The following EP300 variants were observed in gnomAD, a reference collection of about 807,000 sequenced individuals.
EP300 encodes histone acetyltransferase p300.
Under a neutral mutation model 264.0 loss-of-function variants are expected in EP300, and 31 were observed. That is an observed-to-expected ratio of 0.12 (90% confidence interval 0.09 to 0.16). EP300 has a LOEUF of 0.16. Among genes scored for constraint, EP300 ranks in the 10% least tolerant of loss-of-function variants. EP300 has a pLI of 1.00. For missense variants in EP300, 2,766 were observed against 3,052.9 expected (o/e 0.91, Z 2.21); for synonymous variants, 1,340 against 1,045.4 (o/e 1.28, Z -5.44).
intron 1 of EP300, among the ~76,000 whole-genome samples, chr22:41,110,388 G>T (rs1208747806): frequency 1.6e-5 from 2 of 127,308 alleles, no homozygotes; most frequent in East Asian, 4.9e-4. Context: ...CACCTCTCGG[G>T]TTCAACTGAT....
chr22:41,163,909 TAAAA>T, intron 21 of EP300, 140 bp from the exon 22 acceptor site: 1 of 801,454 alleles, frequency 1.2e-6, no homozygotes, highest in Middle Eastern at 2.2e-4. Context: ...ACCCTATCTC[TAAAA>T]AAATAGAAAC....
In EP300 at chr22:41,177,889, T is replaced by G; in HGVS notation, c.6178T>G (p.Ser2060Ala). Residue 2060 changes from serine (S) to alanine (A), a missense_variant, in exon 31 of 31, where the codon TCT becomes GCT. Ser to Ala is a moderately conservative substitution (Grantham distance 99). Transcript: ENST00000263253. ...ALQNLLRTLR[S>A]PSSPLQQQQV... is the part of the protein sequence containing the mutation. ...ACAAAACCTTTTGCGGACTCTCAGGTCTCCCAGCTCTCCCCTGCAGCAGCA... is the reference window on the plus strand; with the variant it reads ...ACAAAACCTTTTGCGGACTCTCAGGGCTCCCAGCTCTCCCCTGCAGCAGCA... 6.2e-7 allele frequency: 1 copy of G among 1,614,080 alleles called. No homozygotes were observed. Among genetic ancestry groups the G allele is most frequent in the Non-Finnish European group, 8.5e-7 (1 of 1,180,008 alleles).
intron 10 of EP300, among the ~76,000 whole-genome samples, chr22:41,142,908 C>T (rs2058991291): frequency 6.6e-6 from 1 of 151,656 alleles, no homozygotes; most frequent in African/African-American, 2.4e-5. Context: ...AGTGGACATA[C>T]CTGAGATACT....
In EP300 at chr22:41,117,312, G is replaced by A. The variant is rs1350749198; in HGVS notation, c.220G>A (p.Ala74Thr). ...GACAAGTCTTGGCATGGTACAAGATGCAGCTTCTAAACATAAACAGCTGTC... is the reference window on the plus strand; with the variant it reads ...GACAAGTCTTGGCATGGTACAAGATACAGCTTCTAAACATAAACAGCTGTC... ...LQTSLGMVQD[A>T]ASKHKQLSEL... is the part of the protein sequence containing the mutation. The change falls in exon 2 of 31, where the codon GCA (alanine) becomes ACA (threonine). Residue 74 changes from alanine to threonine, a missense_variant. Ala to Thr is a moderately conservative substitution (Grantham distance 58, BLOSUM62 0). Transcript: ENST00000263253. The A allele has an allele frequency of 6.2e-7, 1 of 1,614,206 alleles. No homozygotes were observed. Among genetic ancestry groups the A allele is most frequent in the South Asian group, 1.1e-5 (1 of 91,084 alleles).
intron 17 of EP300, 125 bp downstream of exon 17, chr22:41,155,238 TTC>T: frequency 6.8e-6 from 6 of 879,060 alleles, no homozygotes; most frequent in East Asian, 2.4e-5. Context: ...TTTTTTTTTT[TTC>T]CCCCTGAGAC....
chr22:41,101,662 C>T (rs1434087421), intron 1 of EP300, among the ~76,000 whole-genome samples: 1 of 152,066 alleles, frequency 6.6e-6, no homozygotes, highest in Non-Finnish European at 1.5e-5. Context: ...CTACCCTTCT[C>T]GGCCTCCCAA....
intron 1 of EP300, among the ~76,000 whole-genome samples, chr22:41,101,964 A>T (rs372105394): frequency 6.6e-5 from 10 of 152,164 alleles, no homozygotes; most frequent in East Asian, 3.9e-4. Flanking sequence ...CAAAGAATGC[A>T]CAAGAATACT....
chr22:41,168,650 A>C, intron 24 of EP300, 51 bp downstream of exon 24: 2 of 1,614,188 alleles, frequency 1.2e-6, no homozygotes, highest in Non-Finnish European at 1.7e-6. Flanking sequence ...AATTGCTCAT[A>C]CATGGTTACT....
chr22:41,116,111 C>G (rs1286580138), intron 1 of EP300, among the ~76,000 whole-genome samples: 1 of 152,054 alleles, frequency 6.6e-6, no homozygotes, highest in African/African-American at 2.4e-5. Flanking sequence ...GGATACAAAC[C>G]TTTAGCTAGC....
chr22:41,094,921 T>G (rs1003938879), intron 1 of EP300, among the ~76,000 whole-genome samples: 1 of 152,194 alleles, frequency 6.6e-6, no homozygotes, highest in Non-Finnish European at 1.5e-5. Flanking sequence ...TCGGTCTGTT[T>G]TGCTACTTGA....
In EP300 at chr22:41,169,612, T is replaced by G. The variant is rs1488422086; in HGVS notation, c.4282T>G (p.Leu1428Val). The G allele has an allele frequency of 1.3e-6, 2 of 1,571,984 alleles. No individual in the cohort carries two copies. Among genetic ancestry groups the G allele is most frequent in the African/African-American group, 2.7e-5 (2 of 74,020 alleles). Residue 1428 changes from leucine (L) to valine (V), a missense_variant, in exon 26 of 31, where the codon TTA (leucine) becomes GTA (valine). Physicochemically the swap from Leu to Val is conservative, Grantham distance 32. Coordinates refer to ENST00000263253, the MANE Select transcript of EP300 (RefSeq NM_001429.4). Reference protein sequence around the residue: ...LIGYLEYVKKLGYTTGHIWAC... With the variant: ...LIGYLEYVKKVGYTTGHIWAC... ...TGGATATTTAGAATATGTCAAGAAA[T>G]TAGGGTAAGCATATTTTGATAATGG... is the stretch of plus-strand genomic sequence containing the variant.
chr22:41,150,037 C>T lies in EP300; in HGVS notation c.2656C>T (p.Pro886Ser), dbSNP rs148308496. 1.3e-4 allele frequency: 211 copies of T among 1,614,000 alleles called. No individual in the cohort carries two copies. In the African/African-American group the frequency reaches 2.5e-3, roughly 19 times the overall value. Residue 886 changes from proline to serine, a missense_variant, in exon 14 of 31, where the codon CCT (proline) becomes TCT (serine). By Grantham distance (74) the Pro-to-Ser change is moderately conservative (BLOSUM62 -1). Coordinates refer to ENST00000263253, the MANE Select transcript of EP300 (RefSeq NM_001429.4). Reference protein sequence around the residue: ...QALHPPPRQTPTPPTTQLPQQ... With the variant: ...QALHPPPRQTSTPPTTQLPQQ... ...TCTACATCCCCCTCCAAGGCAGACA[C>T]CTACACCACCAACAACACAACTTCC...
At chr22:41,110,867 C>G (rs1424274988) in intron 1 of EP300, among the ~76,000 whole-genome samples, 1 of 151,536 alleles carries the variant, frequency 6.6e-6, no homozygotes, top group Non-Finnish European at 1.5e-5. Context: ...CTGAGGATTT[C>G]TAAGTGTTTG....
rs2145522773 is a variant in EP300, at chr22:41,178,611, T to C, written c.6900T>C (p.Pro2300=). Residue 2300 remains proline, a synonymous_variant, in exon 31 of 31, where the codon CCT becomes CCC. Transcript: ENST00000263253. ...CACACCTACAAGGCCAGCAGATCCC[T>C]AATTCTCTCTCCAATCAAGTGCGCT... is the stretch of plus-strand genomic sequence containing the variant. ...QSPHLQGQQI[P]NSLSNQVRSP... 6.2e-7 allele frequency: 1 copy of C among 1,614,000 alleles called. No individual in the cohort carries two copies. Among genetic ancestry groups the C allele is most frequent in the Non-Finnish European group, 8.5e-7 (1 of 1,179,994 alleles).
At position 41,178,975 on chromosome 22, in the gene EP300, T is replaced by G. The variant is rs1264263152; in HGVS notation, c.*19T>G. On this transcript the variant is annotated 3_prime_UTR_variant, in exon 31 of 31. Transcript: ENST00000263253. ...ACACTAGAGACACCTTGTAGTATTT[T>G]GGGAGCAAAAAAATTATTTTCTCTT... The G allele has an allele frequency of 1.3e-6, 2 of 1,592,646 alleles. No individual in the cohort carries two copies. The highest frequency in any genetic ancestry group is 2.2e-5 in the East Asian group (1 of 44,876).
chr22:41,170,992 G>C (rs554060431), intron 27 of EP300, among the ~76,000 whole-genome samples: 1 of 136,482 alleles, frequency 7.3e-6, no homozygotes, highest in South Asian at 2.3e-4. Context: ...CAAAAGTCTT[G>C]CTTGTTCTAC....
chr22:41,141,618 A>G (rs994352644), intron 10 of EP300, among the ~76,000 whole-genome samples: 2 of 151,734 alleles, frequency 1.3e-5, no homozygotes, highest in Non-Finnish European at 2.9e-5. Context: ...ATCATATTAC[A>G]CTGTCACACT....
intron 15 of EP300, 51 bp downstream of exon 15, chr22:41,152,063 A>G (rs892490729): frequency 8.1e-6 from 13 of 1,608,794 alleles, no homozygotes; most frequent in Non-Finnish European, 1.0e-5. Flanking sequence ...CAGTATAGGA[A>G]CCCAAGTTTT....
At chr22:41,094,852 C>T (rs893904330) in intron 1 of EP300, among the ~76,000 whole-genome samples, 10 of 152,074 alleles carry the variant, frequency 6.6e-5, no homozygotes, top group Admixed American at 5.2e-4. Context: ...TGAGCAGTTT[C>T]GTCTTGGAGC....
Sources: allele counts gnomAD v4.1 joint callset (sites outside exome capture counted in the v4.1 genomes callset), GRCh38; gene constraint gnomAD v4.1.1; transcripts MANE v1.5; gene names NCBI Gene and HGNC (gene_info 2026-07-23, HGNC 2026-07-21).